HSD17B7: variants seen among roughly 807,000 people sequenced by gnomAD.
HSD17B7 encodes hydroxysteroid 17-beta dehydrogenase 7.
In HSD17B7, 17 loss-of-function variants were observed where a neutral mutation model predicts 34.1. That is an observed-to-expected ratio of 0.50 (90% CI 0.34 to 0.75). The LOEUF is 0.75. Among genes scored for constraint, HSD17B7 ranks in the 30% least tolerant of loss-of-function variants. The pLI is 0.01. For missense variants in HSD17B7, 296 were observed against 406.6 expected (o/e 0.73, Z 2.34); for synonymous variants, 122 against 154.6 (o/e 0.79, Z 1.56).
chr1:162,799,260 G>A (rs945009697), intron 4 of HSD17B7, among the ~76,000 whole-genome samples: 2 of 152,034 alleles, frequency 1.3e-5, no homozygotes, highest in African/African-American at 2.4e-5. Flanking sequence ...TTGGCCACTG[G>A]GAACGCTTTC....
intron 8 of HSD17B7, among the ~76,000 whole-genome samples, chr1:162,809,595 C>T (rs1177607720): frequency 6.6e-6 from 1 of 152,016 alleles, no homozygotes; most frequent in Non-Finnish European, 1.5e-5. Flanking sequence ...CCATCTGGTC[C>T]TGGGCTTTTT....
intron 8 of HSD17B7, among the ~76,000 whole-genome samples, chr1:162,811,769 G>A (rs1421708895): frequency 6.6e-6 from 1 of 152,180 alleles, no homozygotes; most frequent in East Asian, 1.9e-4. Context: ...AAAAAGGGAT[G>A]CTTTATTTCT....
At position 162,805,390 on chromosome 1, in the gene HSD17B7, C is replaced by G; in HGVS notation, c.805-4C>G. On this transcript the variant is annotated splice_polypyrimidine_tract_variant and splice_region_variant and intron_variant, in intron 7 of 8. Transcript: ENST00000254521. ...CAAATCATTGACACATCCTTCCTTTCCAGGTATGGCTTTTCCACCAAAAGC... is the reference window on the plus strand; with the variant it reads ...CAAATCATTGACACATCCTTCCTTTGCAGGTATGGCTTTTCCACCAAAAGC... The G allele has an allele frequency of 6.2e-7, 1 of 1,612,502 alleles. No individual in the cohort carries two copies. The highest frequency in any genetic ancestry group is 8.5e-7 in the Non-Finnish European group (1 of 1,179,064).
chr1:162,809,068 T>C (rs372061424), intron 8 of HSD17B7, among the ~76,000 whole-genome samples: 2 of 152,128 alleles, frequency 1.3e-5, no homozygotes, highest in African/African-American at 4.8e-5. Context: ...GGAATGCTTC[T>C]AGTTTTTGCC....
chr1:162,794,141 A>G (rs902613630), intron 2 of HSD17B7, among the ~76,000 whole-genome samples: 1 of 152,206 alleles, frequency 6.6e-6, no homozygotes, highest in Admixed American at 6.5e-5. Flanking sequence ...GCACTAGTCT[A>G]TGCTGCCCTA....
intron 4 of HSD17B7, 164 bp downstream of exon 4, chr1:162,798,080 T>C (rs575975264): frequency 8.1e-7 from 1 of 1,228,008 alleles, no homozygotes; most frequent in East Asian, 2.7e-5. Context: ...ATGGAATACT[T>C]CTGGAAGCTT....
intron 7 of HSD17B7, 77 bp downstream of exon 7, chr1:162,804,400 A>G: frequency 2.2e-6 from 2 of 920,774 alleles, no homozygotes; most frequent in Middle Eastern, 2.2e-4. Flanking sequence ...AGTAGAAATA[A>G]TTTCAACAGA....
rs2257863 is a variant in HSD17B7 at position 162,797,951 on chromosome 1, C to G, written c.447+35C>G. 0.018 allele frequency: 28,757 copies of G among 1,604,256 alleles called. 547 individuals are homozygous for G. Among genetic ancestry groups the G allele is most frequent in the African/African-American group, 0.079 (5,883 of 74,036 alleles). On this transcript the variant is annotated intron_variant, in intron 4 of 8. Coordinates refer to ENST00000254521, the MANE Select transcript of HSD17B7 (RefSeq NM_016371.4). ...CTGTGGGCTTAATAAGCTAATATTT[C>G]GTGTGATAGTTTCTGTAAAGCTCTG...
At chr1:162,805,593 G>T in intron 8 of HSD17B7, 101 bp downstream of exon 8, 2 of 1,504,416 alleles carry the variant, frequency 1.3e-6, no homozygotes, top group East Asian at 2.4e-5. Flanking sequence ...CGCTTCTCTG[G>T]GTACTCACTG....
intron 8 of HSD17B7, among the ~76,000 whole-genome samples, chr1:162,809,835 C>T (rs1333715733): frequency 2.6e-5 from 4 of 151,982 alleles, no homozygotes; most frequent in African/African-American, 9.7e-5. Flanking sequence ...TGATTCTTCT[C>T]TCTCTTCTTC....
chr1:162,811,353 C>A (rs563222575), intron 8 of HSD17B7, among the ~76,000 whole-genome samples: 42 of 152,276 alleles, frequency 2.8e-4, no homozygotes, highest in Middle Eastern at 3.4e-3. Flanking sequence ...TGTGGGTAAC[C>A]CGACCTTTCT....
At chr1:162,793,396 A>G (rs1364312364) in intron 2 of HSD17B7, among the ~76,000 whole-genome samples, 1 of 152,008 alleles carries the variant, frequency 6.6e-6, no homozygotes. Flanking sequence ...TTATGAGTAC[A>G]TCCTGATGTG....
intron 2 of HSD17B7, among the ~76,000 whole-genome samples, chr1:162,793,971 A>G (rs1648509375): frequency 6.6e-6 from 1 of 152,212 alleles, no homozygotes; most frequent in African/African-American, 2.4e-5. Flanking sequence ...TAGTTGGTAT[A>G]TGAAGGAATA....
Position 162,796,619 on chromosome 1 carries a change from G to A in HSD17B7, c.274G>A (p.Gly92Arg). ...QRLDCIYLNAGIMPNPQLNIK... is the reference protein window; with the variant it reads ...QRLDCIYLNARIMPNPQLNIK... ...ATTAGACTGTATATATCTAAATGCT[G>A]GGATCATGCCTAATCCACAACTAAA... Residue 92 changes from glycine to arginine, a missense_variant, in exon 3 of 9, where the codon GGG becomes AGG. Gly to Arg is a moderately radical substitution (Grantham distance 125, BLOSUM62 -2). Coordinates refer to ENST00000254521, the MANE Select transcript of HSD17B7 (RefSeq NM_016371.4). 6.2e-7 allele frequency: 1 copy of A among 1,612,388 alleles called. No individual in the cohort carries two copies. The highest frequency in any genetic ancestry group is 8.5e-7 in the Non-Finnish European group (1 of 1,178,590).
chr1:162,801,004 G>A (rs960968029), intron 5 of HSD17B7, among the ~76,000 whole-genome samples: 1 of 151,864 alleles, frequency 6.6e-6, no homozygotes, highest in Non-Finnish European at 1.5e-5. Flanking sequence ...TTTTGAGACA[G>A]AGTCTCATTC....
chr1:162,805,100 T>C (rs918992014), intron 7 of HSD17B7, among the ~76,000 whole-genome samples: 52 of 152,224 alleles, frequency 3.4e-4, no homozygotes, highest in Non-Finnish European at 5.0e-4. Flanking sequence ...CTTGACTTAA[T>C]TGAGATTAGC....
chr1:162,807,160 TC>T (rs1292785746), intron 8 of HSD17B7, among the ~76,000 whole-genome samples: 1 of 152,138 alleles, frequency 6.6e-6, no homozygotes, highest in Non-Finnish European at 1.5e-5. Context: ...TGTGTGAGGT[TC>T]CCCTTCCTGT....
At chr1:162,792,129 GC>G (rs1224229549) in intron 1 of HSD17B7, among the ~76,000 whole-genome samples, 3 of 152,120 alleles carry the variant, frequency 2.0e-5, no homozygotes, top group African/African-American at 7.2e-5. Context: ...TGTACATCCT[GC>G]CATGTTACTG....
At chr1:162,809,866 T>C (rs1649117027) in intron 8 of HSD17B7, among the ~76,000 whole-genome samples, 1 of 152,218 alleles carries the variant, frequency 6.6e-6, no homozygotes, top group Non-Finnish European at 1.5e-5. Context: ...TTGCTAGCAG[T>C]CTATCAATTT....
Sources: allele counts gnomAD v4.1 joint callset (sites outside exome capture counted in the v4.1 genomes callset), GRCh38; gene constraint gnomAD v4.1.1; transcripts MANE v1.5; gene names NCBI Gene and HGNC (gene_info 2026-07-23, HGNC 2026-07-21).